Variants in CIT observed in about 807,000 individuals in gnomAD.
CIT encodes citron Rho-interacting kinase.
In CIT, 79 loss-of-function variants were observed where a neutral mutation model predicts 272.7. That is an observed-to-expected ratio of 0.29 (90% confidence interval 0.24 to 0.35). CIT has a LOEUF of 0.35. CIT is among the 10% of genes least tolerant of loss of function. The probability of loss-of-function intolerance (pLI) is 1.00; values close to 1 mark genes in which losing one functional copy is unlikely to be tolerated. For synonymous variants in CIT, 948 were observed against 995.6 expected (o/e 0.95, Z 0.90); for missense variants, 1,909 against 2,618.3 (o/e 0.73, Z 5.91).
At chr12:119,849,964 G>A (rs1182898738) in intron 5 of CIT, among the ~76,000 whole-genome samples, 2 of 152,164 alleles carry the variant, frequency 1.3e-5, no homozygotes, top group Non-Finnish European at 1.5e-5. Context: ...GGGATTACAG[G>A]CGTGAGCCAC....
chr12:119,695,209 A>G (rs1313639826), intron 46 of CIT, among the ~76,000 whole-genome samples: 1 of 152,182 alleles, frequency 6.6e-6, no homozygotes, highest in Non-Finnish European at 1.5e-5. Context: ...CCCTCTCCCC[A>G]GATCTGTGGA....
intron 3 of CIT, among the ~76,000 whole-genome samples, chr12:119,865,167 A>AAG (rs546418328): frequency 4.2e-4 from 64 of 152,330 alleles, no homozygotes; most frequent in Admixed American, 2.5e-3. Flanking sequence ...ATTTCCCTGG[A>AAG]AGAGGGGTCT....
chr12:119,776,623 C>T, intron 14 of CIT, 49 bp downstream of exon 14: 1 of 1,547,322 alleles, frequency 6.5e-7, no homozygotes, highest in East Asian at 2.3e-5. Flanking sequence ...TTGCTAAGAT[C>T]ATGTACAATT....
chr12:119,717,558 C>G (rs1957572844), intron 32 of CIT, among the ~76,000 whole-genome samples: 2 of 150,514 alleles, frequency 1.3e-5, no homozygotes, highest in African/African-American at 4.9e-5. Flanking sequence ...GTAGCTGGGA[C>G]TTCAGGAGAA....
At chr12:119,862,307 GT>G (rs1950364269) in intron 3 of CIT, among the ~76,000 whole-genome samples, 1 of 152,024 alleles carries the variant, frequency 6.6e-6, no homozygotes, top group South Asian at 2.1e-4. Context: ...CTTGGGGTAC[GT>G]TTTTAAATTT....
rs998212179 is a variant in CIT at position 119,788,530 on chromosome 12, C to T, written c.1296-3465G>A. Among the ~76,000 whole-genome samples the T allele has an allele frequency of 3.9e-5, 6 of 152,208 alleles. No homozygotes were observed. In the East Asian group the frequency reaches 7.7e-4, roughly 20 times the overall value. The stretch of plus-strand genomic sequence containing the variant: ...AAAAAACTGGCACCCTTTAAAAGAA[C>T]GATGACATGGGTGCATGATGATAGG... On this transcript the variant is annotated intron_variant, in intron 10 of 47. Coordinates refer to ENST00000392521, the MANE Select transcript of CIT (RefSeq NM_001206999.2).
intron 9 of CIT, among the ~76,000 whole-genome samples, chr12:119,816,763 A>G (rs1160579774): frequency 6.6e-6 from 1 of 152,222 alleles, no homozygotes; most frequent in Non-Finnish European, 1.5e-5. Flanking sequence ...CCCTCTCCTG[A>G]TAATAACCTG....
intron 10 of CIT, among the ~76,000 whole-genome samples, chr12:119,791,536 CA>C (rs1160179723): frequency 6.6e-6 from 1 of 152,190 alleles, no homozygotes; most frequent in East Asian, 1.9e-4. Flanking sequence ...AGATGCAGTA[CA>C]ATGAAGATGC....
rs1237360417 is a variant in CIT at position 119,804,193 on chromosome 12, G to A, written c.1112-804C>T. ...CAGGGCTTCACTCCCGGCTGGGGGCGTGTTACATCCTCTCCACTTCCTCCG... is the reference window on the plus strand; with the variant it reads ...CAGGGCTTCACTCCCGGCTGGGGGCATGTTACATCCTCTCCACTTCCTCCG... On this transcript the variant is annotated intron_variant, in intron 9 of 47. Transcript: ENST00000392521. This position sits in a 1 kb window ranked among gnomAD's most constrained non-coding sequence, Gnocchi z 5.3. 4.1e-6 allele frequency: 4 copies of A among 985,370 alleles called. No homozygotes were observed. Among genetic ancestry groups the A allele is most frequent in the Non-Finnish European group, 4.8e-6 (4 of 830,040 alleles). 61.0% of individuals were successfully genotyped at this position (985,370 alleles called of 1,614,324 possible).
Position 119,704,029 on chromosome 12 carries a change from TAGAA to T in CIT, c.5304+330_5304+333del, listed in dbSNP as rs201883802. Reference sequence around the variant, plus strand: ...GTGCTACCTGGGACTGCTAGGATCTTAGAAAGAGCCCCCCCTTTTTTTTTTCCAC... The same window carrying T: ...GTGCTACCTGGGACTGCTAGGATCTTAGAGCCCCCCCTTTTTTTTTTCCAC... On this transcript the variant is annotated intron_variant, in intron 41 of 47. Transcript: ENST00000392521. Among the ~76,000 whole-genome samples, 1,464 of 152,222 alleles carry T rather than the reference TAGAA, an allele frequency of 9.6e-3. 18 individuals carry two copies. The highest frequency in any genetic ancestry group is 0.033 in the African/African-American group (1,379 of 41,532).
chr12:119,770,488 G>A lies in CIT; in HGVS notation c.2208+297C>T, dbSNP rs184538929. Among the ~76,000 whole-genome samples the A allele has an allele frequency of 9.3e-5, 14 of 150,074 alleles. No homozygotes were observed. Among genetic ancestry groups the A allele is most frequent in the African/African-American group, 3.2e-4 (13 of 40,602 alleles). ...TCTGCTGATAGAAGTATGTCAACAC[G>A]CCTTTAAAAATGTATTGAAAATGAT... On this transcript the variant is annotated intron_variant, in intron 18 of 47. Coordinates refer to ENST00000392521, the MANE Select transcript of CIT (RefSeq NM_001206999.2). This position sits in a 1 kb window ranked among gnomAD's most constrained non-coding sequence, Gnocchi z 4.4.
Position 119,701,864 on chromosome 12 carries a change from T to A in CIT, c.5399A>T (p.Gln1800Leu). ...GTGGGTCCTACCCTCGAGCGTGTAC[T>A]GCTTCATGTCGATTTCGTAGAATTT... The part of the protein sequence containing the change: ...TNKFYEIDMK[Q>L]YTLEEFLDKN... Residue 1800 changes from glutamine to leucine, a missense_variant, in exon 42 of 48, where the codon CAG (glutamine) becomes CTG (leucine). Gln to Leu is a moderately radical substitution (Grantham distance 113). This residue lies in a region of CIT where 780 missense variants were observed against 1,067.2 expected (regional missense o/e 0.73). Transcript: ENST00000392521. The A allele has an allele frequency of 6.2e-7, 1 of 1,614,152 alleles. No individual in the cohort carries two copies. The highest frequency in any genetic ancestry group is 1.3e-5 in the African/African-American group (1 of 75,056).
chr12:119,710,182 T>C lies in CIT; in HGVS notation c.5071+69A>G. ...TCTACTATTTTGTGTTTTACGAGCATGAAACGTGGCTTCAACATATTGGCT... is the reference window on the plus strand; with the variant it reads ...TCTACTATTTTGTGTTTTACGAGCACGAAACGTGGCTTCAACATATTGGCT... On this transcript the variant is annotated intron_variant, in intron 39 of 47. Transcript: ENST00000392521. The surrounding 1 kb of genome is among the most constrained non-coding windows in gnomAD (Gnocchi z 5.6). 6.5e-7 allele frequency: 1 copy of C among 1,550,074 alleles called. No homozygotes were observed. The highest frequency in any genetic ancestry group is 8.8e-7 in the Non-Finnish European group (1 of 1,141,432).
chr12:119,825,184 T>C lies in CIT; in HGVS notation c.938A>G (p.Asn313Ser), dbSNP rs747401094. 23 of 1,613,646 alleles carry C rather than the reference T, an allele frequency of 1.4e-5. No homozygotes were observed. The highest frequency in any genetic ancestry group is 1.6e-4 in the Middle Eastern group (1 of 6,082). Reference protein sequence around the residue: ...FAEGTSARTFNNIMNFQRFLK... With the variant: ...FAEGTSARTFSNIMNFQRFLK... ...CTTTACCTGGAAATTCATAATGTTA[T>C]TGAAGGTTCTGGCAGAGGTTCCCTC... Residue 313 changes from asparagine (N) to serine (S), a missense_variant, in exon 8 of 48, where the codon AAT becomes AGT. Physicochemically the swap from Asn to Ser is conservative, Grantham distance 46. Coordinates refer to ENST00000392521, the MANE Select transcript of CIT (RefSeq NM_001206999.2).
At chr12:119,774,174 G>C (rs902774003) in intron 16 of CIT, among the ~76,000 whole-genome samples, 2 of 152,204 alleles carry the variant, frequency 1.3e-5, no homozygotes, top group Admixed American at 6.5e-5. Flanking sequence ...TAGAGTTTCA[G>C]TGTAACAAGA....
At chr12:119,736,944 C>G (rs188396302) in intron 24 of CIT, among the ~76,000 whole-genome samples, 1 of 152,152 alleles carries the variant, frequency 6.6e-6, no homozygotes, top group Non-Finnish European at 1.5e-5. Context: ...GATTCTGGAA[C>G]CCCCAATAAG....
rs1328305112 is a variant in CIT, at chr12:119,832,788, T to C, written c.736A>G (p.Met246Val). Reference sequence around the variant, plus strand: ...TTTTTTACCATCTTGTTTGAATTCATTTTCGCGGCAGATCCAAAATCCACC... The same window carrying C: ...TTTTTTACCATCTTGTTTGAATTCACTTTCGCGGCAGATCCAAAATCCACC... ...KLVDFGSAAK[M>V]NSNKMVNAKL... The change falls in exon 7 of 48, where the codon ATG becomes GTG. Residue 246 changes from methionine to valine, a missense_variant. Physicochemically the swap from Met to Val is conservative, Grantham distance 21 (BLOSUM62 1). Coordinates refer to ENST00000392521, the MANE Select transcript of CIT (RefSeq NM_001206999.2). The C allele has an allele frequency of 6.2e-7, 1 of 1,613,820 alleles. No individual in the cohort carries two copies. The highest frequency in any genetic ancestry group is 1.7e-5 in the Admixed American group (1 of 60,022).
At chr12:119,762,868 AT>A (rs1443187071) in intron 19 of CIT, among the ~76,000 whole-genome samples, 2 of 152,088 alleles carry the variant, frequency 1.3e-5, no homozygotes, top group African/African-American at 4.8e-5. Context: ...GCAAGACCCC[AT>A]TTCCACAAAA....
chr12:119,857,751 C>T, intron 3 of CIT, 53 bp from the exon 4 acceptor site: 1 of 1,416,676 alleles, frequency 7.1e-7, no homozygotes, highest in Non-Finnish European at 9.6e-7. Context: ...CAAATATATG[C>T]ATCTTTATGA....
Sources: allele counts gnomAD v4.1 joint callset (sites outside exome capture counted in the v4.1 genomes callset), GRCh38; gene constraint gnomAD v4.1.1; regional missense constraint gnomAD v4.1.1; non-coding constraint Gnocchi (gnomAD v3.1); transcripts MANE v1.5; gene names NCBI Gene and HGNC (gene_info 2026-07-23, HGNC 2026-07-21).